Variants in ADGRL3 observed in about 807,000 individuals in gnomAD.
The protein encoded by ADGRL3 is adhesion G protein-coupled receptor L3.
In ADGRL3, 62 loss-of-function variants were observed where a neutral mutation model predicts 153.5. That is an observed-to-expected ratio of 0.40 (90% CI 0.33 to 0.50). ADGRL3 has a LOEUF of 0.50. Among genes scored for constraint, ADGRL3 ranks in the 20% least tolerant of loss-of-function variants. The pLI, the probability that ADGRL3 is intolerant of heterozygous loss-of-function variation, is 0.47. For missense variants in ADGRL3, 1,641 were observed against 1,859.4 expected, an observed-to-expected ratio of 0.88 and a Z score of 2.16; for synonymous variants, 710 against 672.5, an observed-to-expected ratio of 1.06 and a Z score of -0.86.
At chr4:61,485,731 C>G (rs1377832298) in intron 2 of ADGRL3, among the ~76,000 whole-genome samples, 1 of 152,162 alleles carries the variant, frequency 6.6e-6, no homozygotes, top group South Asian at 2.1e-4. Context: ...TCAATTCTTA[C>G]AACTTCTCTA....
chr4:61,700,390 T>C (rs572944740), intron 6 of ADGRL3, among the ~76,000 whole-genome samples: 6 of 152,194 alleles, frequency 3.9e-5, no homozygotes, highest in Non-Finnish European at 7.3e-5. Flanking sequence ...CAAATTTTGA[T>C]TGAAGAGTAT....
Position 61,924,472 on chromosome 4 carries a change from C to T in ADGRL3, c.2113-10368C>T, listed in dbSNP as rs2098785675. 2.0e-5 allele frequency among the ~76,000 whole-genome samples: 3 copies of T among 152,122 alleles called. No homozygotes were observed. In the South Asian group the frequency reaches 6.2e-4, roughly 31 times the overall value. ...TCTCCTGAACTCCAGAATTAATTTT[C>T]CAGCCAATTTCTCAATATCTTCACT... On this transcript the variant is annotated intron_variant, in intron 13 of 26. Coordinates refer to ENST00000683033, the MANE Select transcript of ADGRL3 (RefSeq NM_001387552.1).
intron 2 of ADGRL3, among the ~76,000 whole-genome samples, chr4:61,408,414 CTT>C (rs113009999): frequency 5.6e-5 from 8 of 142,448 alleles, no homozygotes; most frequent in East Asian, 2.0e-4. Flanking sequence ...AGCTGCTGTC[CTT>C]TTTTTTTTTT....
chr4:61,682,460 C>T (rs2150994864), intron 6 of ADGRL3, among the ~76,000 whole-genome samples: 1 of 152,004 alleles, frequency 6.6e-6, no homozygotes, highest in East Asian at 1.9e-4. Flanking sequence ...TTAAACCCTG[C>T]TTATATGCCA....
chr4:61,909,231 G>A (rs114506980), intron 11 of ADGRL3, among the ~76,000 whole-genome samples: 5,004 of 152,188 alleles, frequency 0.033, 114 homozygotes, highest in Non-Finnish European at 0.053. Context: ...CAAGACACAC[G>A]CAACTAAGTC....
At chr4:62,053,942 C>A (rs1735621742) in intron 25 of ADGRL3, among the ~76,000 whole-genome samples, 1 of 151,276 alleles carries the variant, frequency 6.6e-6, no homozygotes, top group African/African-American at 2.4e-5. Context: ...ATAATATGTT[C>A]ATTTGTTCTG....
intron 8 of ADGRL3, among the ~76,000 whole-genome samples, chr4:61,763,846 A>G (rs957806928): frequency 2.6e-5 from 4 of 152,134 alleles, no homozygotes; most frequent in Non-Finnish European, 4.4e-5. Context: ...ATACCAAACA[A>G]AGCTAACCAA....
chr4:61,279,728 A>G (rs555820256), intron 1 of ADGRL3, among the ~76,000 whole-genome samples: 2 of 152,108 alleles, frequency 1.3e-5, no homozygotes, highest in South Asian at 2.1e-4. Context: ...TATTATGTAT[A>G]TATTTTTTCT....
chr4:61,827,974 C>T (rs11734607), intron 9 of ADGRL3, among the ~76,000 whole-genome samples: 56,488 of 151,892 alleles, frequency 0.37, 11,147 homozygotes, highest in East Asian at 0.62. Flanking sequence ...CTTTGGTCAC[C>T]GGGTGGTTAG....
intron 6 of ADGRL3, among the ~76,000 whole-genome samples, chr4:61,725,099 TATTA>T (rs777429517): frequency 1.3e-5 from 2 of 152,144 alleles, no homozygotes; most frequent in African/African-American, 2.4e-5. Context: ...GCATGGCAAA[TATTA>T]ATTAAGCTCT....
intron 4 of ADGRL3, among the ~76,000 whole-genome samples, chr4:61,541,346 A>ATTTTTTTTTTTTTTTTTTTT (rs3075146): frequency 9.7e-6 from 1 of 103,338 alleles, no homozygotes. Flanking sequence ...TCTGGTAGAG[A>ATTTTTTTTTTTTTTTTTTTT]TTTTTTTTTT....
intron 6 of ADGRL3, among the ~76,000 whole-genome samples, chr4:61,711,403 T>C (rs1262993434): frequency 7.1e-6 from 1 of 140,896 alleles, no homozygotes; most frequent in African/African-American, 2.6e-5. Context: ...GAAGATCCAA[T>C]TGGCAACAGA....
At chr4:61,479,260 G>T (rs532111062) in intron 2 of ADGRL3, among the ~76,000 whole-genome samples, 50 of 152,008 alleles carry the variant, frequency 3.3e-4, no homozygotes, top group Middle Eastern at 3.4e-3. Flanking sequence ...ACTTATGCTA[G>T]AAAATTTACA....
chr4:61,475,331 T>G (rs1188427481), intron 2 of ADGRL3, among the ~76,000 whole-genome samples: 3 of 152,196 alleles, frequency 2.0e-5, no homozygotes, highest in Non-Finnish European at 4.4e-5. Context: ...ACCACTATGT[T>G]AGCTCAGCCA....
chr4:61,977,036 T>G (rs577770228), intron 17 of ADGRL3, among the ~76,000 whole-genome samples: 1 of 152,302 alleles, frequency 6.6e-6, no homozygotes, highest in Non-Finnish European at 1.5e-5. Flanking sequence ...TTTTGTTCTA[T>G]GTTTGAGAGT....
At chr4:61,987,569 G>A (rs1239338907) in intron 19 of ADGRL3, among the ~76,000 whole-genome samples, 1 of 151,932 alleles carries the variant, frequency 6.6e-6, no homozygotes, top group Non-Finnish European at 1.5e-5. Context: ...TTGTTTGTTT[G>A]CAGTGTTACC....
intron 17 of ADGRL3, among the ~76,000 whole-genome samples, chr4:61,961,594 A>C (rs1311305302): frequency 6.6e-6 from 1 of 152,150 alleles, no homozygotes; most frequent in African/African-American, 2.4e-5. Flanking sequence ...ATAGGAAAAA[A>C]TCATCGGAGG....
intron 1 of ADGRL3, among the ~76,000 whole-genome samples, chr4:61,344,570 T>C (rs2095864145): frequency 6.6e-6 from 1 of 152,106 alleles, no homozygotes. Context: ...TCAAGAAAGC[T>C]ATAAGACTTT....
chr4:61,752,390 A>G (rs2096768215), intron 8 of ADGRL3, among the ~76,000 whole-genome samples: 1 of 152,132 alleles, frequency 6.6e-6, no homozygotes, highest in African/African-American at 2.4e-5. Context: ...CCTAATAAGC[A>G]TATTATTATG....
Sources: allele counts gnomAD v4.1 joint callset (sites outside exome capture counted in the v4.1 genomes callset), GRCh38; gene constraint gnomAD v4.1.1; transcripts MANE v1.5; gene names NCBI Gene and HGNC (gene_info 2026-07-23, HGNC 2026-07-21).